ARMH4: variants seen among roughly 807,000 people sequenced by gnomAD.
The protein encoded by ARMH4 is armadillo like helical domain containing 4.
In ARMH4, 49 loss-of-function variants were observed where a neutral mutation model predicts 61.9. The ratio of observed to expected loss-of-function variants is 0.79; its 90% CI spans 0.63 to 1.00. ARMH4 has a LOEUF of 1.00. ARMH4 is among the 50% of genes least tolerant of loss of function. ARMH4 has a pLI of 0.00. For missense variants in ARMH4, 934 were observed against 930.0 expected (o/e 1.00, Z -0.06); for synonymous variants, 368 against 341.5 (o/e 1.08, Z -0.85).
intron 1 of ARMH4, among the ~76,000 whole-genome samples, chr14:58,144,693 C>T (rs1422593089): frequency 1.3e-5 from 2 of 152,102 alleles, no homozygotes; most frequent in Admixed American, 1.3e-4. Context: ...CGGTGAAACC[C>T]CGTCTCCACT....
intron 5 of ARMH4, among the ~76,000 whole-genome samples, chr14:58,031,633 C>G (rs1015487869): frequency 7.9e-5 from 12 of 152,274 alleles, no homozygotes; most frequent in East Asian, 7.7e-4. Context: ...TCGGCGAGAA[C>G]TGCAGCTACT....
chr14:58,087,747 T>C (rs994438760), intron 5 of ARMH4, among the ~76,000 whole-genome samples: 1 of 152,176 alleles, frequency 6.6e-6, no homozygotes, highest in African/African-American at 2.4e-5. Flanking sequence ...CAAGAAAAAC[T>C]TGGACAACCC....
rs74650478 is a variant in ARMH4, at chr14:58,106,577, T to C, written c.1832-9596A>G. Among the ~76,000 whole-genome samples, 600 of 152,274 alleles carry C rather than the reference T, an allele frequency of 3.9e-3. 3 individuals carry two copies. The highest frequency in any genetic ancestry group is 6.9e-3 in the Non-Finnish European group (467 of 68,004). On this transcript the variant is annotated intron_variant, in intron 4 of 7. Transcript: ENST00000267485. Reference sequence around the variant, plus strand: ...TGTTGCAAGTGGCAGGCAGACAAAATGTGTCTACACGGTACCCTCTCTTAG... The same window carrying C: ...TGTTGCAAGTGGCAGGCAGACAAAACGTGTCTACACGGTACCCTCTCTTAG...
intron 2 of ARMH4, among the ~76,000 whole-genome samples, chr14:58,134,999 A>G (rs1432910320): frequency 6.6e-6 from 1 of 151,890 alleles, no homozygotes; most frequent in Non-Finnish European, 1.5e-5. Context: ...ATCATGGCAT[A>G]TCCTATTACT....
Position 58,130,066 on chromosome 14 carries a change from A to AT in ARMH4, c.1831+1445dup, listed in dbSNP as rs1022333605. Among the ~76,000 whole-genome samples, 5 of 152,108 alleles carry AT rather than the reference A, an allele frequency of 3.3e-5. No individual in the cohort carries two copies. The South Asian group carries it at 6.3e-4, about 19-fold the overall frequency. Reference sequence around the variant, plus strand: ...TCACAAGTATGGATTATTCACAAATATTTTTTTTCTCTGATTTAATGAGCC... The same window carrying AT: ...TCACAAGTATGGATTATTCACAAATATTTTTTTTTCTCTGATTTAATGAGCC... On this transcript the variant is annotated intron_variant, in intron 4 of 7. Transcript: ENST00000267485.
chr14:58,026,157 G>A (rs946353917), intron 5 of ARMH4, among the ~76,000 whole-genome samples: 2 of 151,984 alleles, frequency 1.3e-5, no homozygotes, highest in African/African-American at 4.8e-5. Context: ...TGATGAGAAG[G>A]CTGTCATGAA....
intron 5 of ARMH4, among the ~76,000 whole-genome samples, chr14:58,046,371 C>T (rs1883944547): frequency 6.6e-6 from 1 of 152,092 alleles, no homozygotes; most frequent in Non-Finnish European, 1.5e-5. Flanking sequence ...CAATTCTGGC[C>T]TCAATATATT....
At chr14:58,008,316 G>T (rs531451271) in intron 6 of ARMH4, among the ~76,000 whole-genome samples, 1 of 152,110 alleles carries the variant, frequency 6.6e-6, no homozygotes, top group Non-Finnish European at 1.5e-5. Context: ...AACAGCAGGC[G>T]CATCCAGGTA....
chr14:58,140,832 G>C (rs755036914), intron 1 of ARMH4, among the ~76,000 whole-genome samples: 14 of 152,128 alleles, frequency 9.2e-5, no homozygotes, highest in Non-Finnish European at 1.6e-4. Context: ...GAACCCGGGA[G>C]GCGGAGGTTG....
chr14:58,028,660 G>T (rs1883105263), intron 5 of ARMH4, among the ~76,000 whole-genome samples: 1 of 152,108 alleles, frequency 6.6e-6, no homozygotes, highest in Admixed American at 6.6e-5. Flanking sequence ...CATTATGTTT[G>T]GTCCAGTGTC....
intron 5 of ARMH4, among the ~76,000 whole-genome samples, chr14:58,086,710 A>G (rs1594748750): frequency 6.6e-6 from 1 of 152,186 alleles, no homozygotes; most frequent in African/African-American, 2.4e-5. Context: ...GCTGTGTGCT[A>G]GATGTTCTGA....
chr14:58,133,229 A>C lies in ARMH4; in HGVS notation c.1482T>G (p.Thr494=), dbSNP rs1180232443. ...TLELIRDSGK[T]EEEKEDPSPV... The stretch of plus-strand genomic sequence containing the variant: ...GAGAGGGGTCCTCCTTTTCTTCCTC[A>C]GTCTTGCCACTGTCTCTGATAAGCT... Residue 494 remains threonine (T), a synonymous_variant, in exon 3 of 8, where the codon ACT becomes ACG. Coordinates refer to ENST00000267485, the MANE Select transcript of ARMH4 (RefSeq NM_001001872.4). The C allele has an allele frequency of 6.2e-7, 1 of 1,614,152 alleles. No homozygotes were observed. Among genetic ancestry groups the C allele is most frequent in the East Asian group, 2.2e-5 (1 of 44,868 alleles).
At chr14:58,038,832 G>C (rs929960188) in intron 5 of ARMH4, among the ~76,000 whole-genome samples, 1 of 152,154 alleles carries the variant, frequency 6.6e-6, no homozygotes. Flanking sequence ...CTCATAATTA[G>C]ACAAACCACT....
chr14:58,038,815 G>A (rs1273293195), intron 5 of ARMH4, among the ~76,000 whole-genome samples: 1 of 152,120 alleles, frequency 6.6e-6, no homozygotes, highest in African/African-American at 2.4e-5. Context: ...TATGGCTACT[G>A]GCTACACTCA....
At chr14:58,049,346 T>C (rs893879746) in intron 5 of ARMH4, among the ~76,000 whole-genome samples, 11 of 152,124 alleles carry the variant, frequency 7.2e-5, no homozygotes, top group Admixed American at 2.6e-4. Flanking sequence ...GTCATAATCA[T>C]AGATTCTCAA....
At chr14:58,041,184 G>C (rs374370176) in intron 5 of ARMH4, among the ~76,000 whole-genome samples, 2 of 152,158 alleles carry the variant, frequency 1.3e-5, no homozygotes, top group African/African-American at 4.8e-5. Context: ...CCCGGGAAGC[G>C]TAAGGGGTCA....
At chr14:58,054,741 T>C (rs763344667) in intron 5 of ARMH4, among the ~76,000 whole-genome samples, 12 of 151,154 alleles carry the variant, frequency 7.9e-5, no homozygotes, top group South Asian at 2.1e-4. Flanking sequence ...CTACTAAACA[T>C]ACAAAAAATA....
chr14:58,133,115 A>T lies in ARMH4; in HGVS notation c.1596T>A (p.Ser532=), dbSNP rs1230408688. The change falls in exon 3 of 8, where the codon TCT becomes TCA. Residue 532 remains serine (S), a synonymous_variant. Transcript: ENST00000267485. ...TTISTTVVPL[S]FEVTPTVEEQ... is the part of the protein sequence containing the mutation. ...CTTCCACAGTGGGAGTAACTTCAAAAGACAAAGGGACGACTGTAGTTGAAA... is the reference window on the plus strand; with the variant it reads ...CTTCCACAGTGGGAGTAACTTCAAATGACAAAGGGACGACTGTAGTTGAAA... The T allele has an allele frequency of 6.2e-7, 1 of 1,614,196 alleles. No individual in the cohort carries two copies. The highest frequency in any genetic ancestry group is 8.5e-7 in the Non-Finnish European group (1 of 1,180,048).
chr14:58,029,984 T>C (rs775939639), intron 5 of ARMH4, among the ~76,000 whole-genome samples: 3 of 152,114 alleles, frequency 2.0e-5, no homozygotes, highest in Non-Finnish European at 2.9e-5. Context: ...ATAAACAAAA[T>C]GCGGTATAGA....
Sources: allele counts gnomAD v4.1 joint callset (sites outside exome capture counted in the v4.1 genomes callset), GRCh38; gene constraint gnomAD v4.1.1; transcripts MANE v1.5; gene names NCBI Gene and HGNC (gene_info 2026-07-23, HGNC 2026-07-21).